Variants in PIEZO2 observed in about 807,000 individuals in gnomAD.
PIEZO2 encodes piezo type mechanosensitive ion channel component 2, also known as piezo-type mechanosensitive ion channel component 2.
PIEZO2 carries 172 observed loss-of-function variants against 337.3 expected under a neutral mutation model. That is an observed-to-expected ratio of 0.51 (90% CI 0.45 to 0.58). The LOEUF (loss-of-function observed/expected upper bound fraction) is 0.58, where lower values mean the gene tolerates loss of function less well. Ranked by LOEUF, PIEZO2 falls within the 20% of genes least tolerant of loss-of-function variation. PIEZO2 has a pLI of 0.00. For synonymous variants in PIEZO2, 1,251 were observed against 1,228.5 expected (o/e 1.02, Z -0.38); for missense variants, 3,028 against 3,391.3 (o/e 0.89, Z 2.66).
chr18:11,119,817 G>A (rs2039984446), intron 1 of PIEZO2, among the ~76,000 whole-genome samples: 1 of 152,142 alleles, frequency 6.6e-6, no homozygotes, highest in African/African-American at 2.4e-5. Flanking sequence ...GGCTTAAAAT[G>A]CATTAAACTA....
At position 10,763,509 on chromosome 18, in the gene PIEZO2, G is replaced by A. The variant is rs540235182; in HGVS notation, c.2947-411C>T. Among the ~76,000 whole-genome samples, 219 of 152,296 alleles carry A rather than the reference G, an allele frequency of 1.4e-3. 1 individual carries two copies. The highest frequency in any genetic ancestry group is 0.014 in the Middle Eastern group (4 of 294). ...TTTAGGTAAAGGAGGCATGAATGAA[G>A]GCAGGAAAGCATGAGCTAGCATGGT... On this transcript the variant is annotated intron_variant, in intron 21 of 55. Coordinates refer to ENST00000674853, the MANE Select transcript of PIEZO2 (RefSeq NM_001378183.1).
At position 10,680,166 on chromosome 18, in the gene PIEZO2, G is replaced by A. The variant is rs487037; in HGVS notation, c.7952+33C>T. Reference sequence around the variant, plus strand: ...CAACTCCATGTTTAGACTGGGGAAAGGGATAAATTATACATGGAAATACAG... The same window carrying A: ...CAACTCCATGTTTAGACTGGGGAAAAGGATAAATTATACATGGAAATACAG... On this transcript the variant is annotated intron_variant, in intron 52 of 55. Transcript: ENST00000674853. 1,240,473 of 1,554,400 alleles carry A rather than the reference G, an allele frequency of 0.8. 501,383 individuals are homozygous for A. Among genetic ancestry groups the A allele is most frequent in the Non-Finnish European group, 0.83 (940,890 of 1,139,768 alleles).
rs1304803255 is a variant in PIEZO2 at position 11,080,768 on chromosome 18, C to T, written c.65-14546G>A. The stretch of plus-strand genomic sequence containing the variant: ...CTGAGGCAGGAGAATCGCTTGAACT[C>T]GGGAGGCGGAGGTCACGGTGAGCCA... On this transcript the variant is annotated intron_variant, in intron 1 of 55. Coordinates refer to ENST00000674853, the MANE Select transcript of PIEZO2 (RefSeq NM_001378183.1). This position sits in a 1 kb window ranked among gnomAD's most constrained non-coding sequence, Gnocchi z 5.4. Among the ~76,000 whole-genome samples the T allele has an allele frequency of 2.0e-5, 3 of 152,122 alleles. No homozygotes were observed. Among genetic ancestry groups the T allele is most frequent in the Admixed American group, 2.0e-4 (3 of 15,270 alleles).
intron 30 of PIEZO2, among the ~76,000 whole-genome samples, chr18:10,745,112 G>C (rs1276045724): frequency 3.3e-5 from 5 of 152,080 alleles, no homozygotes; most frequent in Admixed American, 1.3e-4. Flanking sequence ...CAAATCTTAA[G>C]GCAGTAAGTT....
intron 31 of PIEZO2, among the ~76,000 whole-genome samples, chr18:10,743,498 C>G (rs535151853): frequency 9.6e-4 from 146 of 152,278 alleles, no homozygotes; most frequent in African/African-American, 3.3e-3. Context: ...TGGAGTCAGT[C>G]TACCCCTTGG....
At chr18:10,843,578 A>G (rs1339374007) in intron 7 of PIEZO2, among the ~76,000 whole-genome samples, 1 of 152,236 alleles carries the variant, frequency 6.6e-6, no homozygotes, top group Non-Finnish European at 1.5e-5. Context: ...AAAAAAATTT[A>G]ACTGTGAACC....
At chr18:10,932,983 G>A (rs924058724) in intron 3 of PIEZO2, among the ~76,000 whole-genome samples, 6 of 152,082 alleles carry the variant, frequency 3.9e-5, no homozygotes, top group African/African-American at 1.4e-4. Context: ...AAGTTGCAAA[G>A]GGACTTAGGG....
intron 40 of PIEZO2, 99 bp from the exon 41 acceptor site, chr18:10,705,845 A>G (rs1274018302): frequency 2.9e-6 from 4 of 1,358,192 alleles, no homozygotes; most frequent in Non-Finnish European, 3.9e-6. Context: ...CTCCTAAGGA[A>G]ATGCCCCATT....
At chr18:10,696,586 G>A in intron 45 of PIEZO2, 47 bp from the exon 46 acceptor site, 1 of 1,603,474 alleles carries the variant, frequency 6.2e-7, no homozygotes, top group Non-Finnish European at 8.5e-7. Context: ...TTCAGGAAGG[G>A]CAGGATGGCA....
chr18:10,944,308 A>G (rs940045467), intron 3 of PIEZO2, among the ~76,000 whole-genome samples: 1 of 151,878 alleles, frequency 6.6e-6, no homozygotes, highest in East Asian at 1.9e-4. Flanking sequence ...TTTAAAAACT[A>G]AAAAATAAAA....
rs538419534 is a variant in PIEZO2, at chr18:10,804,131, T to C, written c.1081-137A>G. 6.5e-6 allele frequency: 7 copies of C among 1,078,578 alleles called. No individual in the cohort carries two copies. In the South Asian group the frequency reaches 1.1e-4, roughly 17 times the overall value. The allele number at this position is 1,078,578 out of a possible 1,614,324, so 66.8% of individuals were successfully genotyped here. ...AATGTTTACAATATACAGGATTTTA[T>C]CAAGACACTTTAAAAAATGACAAAA... On this transcript the variant is annotated intron_variant, in intron 8 of 55. Transcript: ENST00000674853.
In PIEZO2 at chr18:11,077,282, T is replaced by C. The variant is rs2038579800; in HGVS notation, c.65-11060A>G. On this transcript the variant is annotated intron_variant, in intron 1 of 55. Coordinates refer to ENST00000674853, the MANE Select transcript of PIEZO2 (RefSeq NM_001378183.1). This position sits in a 1 kb window ranked among gnomAD's most constrained non-coding sequence, Gnocchi z 4.8. ...TATTAGCCTGCTCATCTTAGTGGCT[T>C]TGTCATCTATGGAAGTGAAGAGTTA... Among the ~76,000 whole-genome samples, 1 of 152,202 alleles carries C rather than the reference T, an allele frequency of 6.6e-6. No homozygotes were observed. Among genetic ancestry groups the C allele is most frequent in the Admixed American group, 6.5e-5 (1 of 15,280 alleles).
rs765646013 is a variant in PIEZO2 at position 10,677,897 on chromosome 18, T to G, written c.7953-22A>C. 2.6e-6 allele frequency: 4 copies of G among 1,553,760 alleles called. No homozygotes were observed. In the Admixed American group the frequency reaches 6.4e-5, roughly 25 times the overall value. ...GTTTCTGTGAAGAAAAAAAAAAAGC[T>G]TAATGTCAGTGATTATTCAGAAGTC... On this transcript the variant is annotated intron_variant, in intron 52 of 55. Coordinates refer to ENST00000674853, the MANE Select transcript of PIEZO2 (RefSeq NM_001378183.1). The surrounding 1 kb of genome is among the most constrained non-coding windows in gnomAD (Gnocchi z 4.1).
chr18:10,779,445 T>C (rs768923105), intron 18 of PIEZO2, among the ~76,000 whole-genome samples: 1 of 152,232 alleles, frequency 6.6e-6, no homozygotes, highest in Non-Finnish European at 1.5e-5. Flanking sequence ...CTCTGGAGGA[T>C]AACCTATTGC....
At chr18:11,123,230 A>G (rs1244104292) in intron 1 of PIEZO2, among the ~76,000 whole-genome samples, 1 of 152,178 alleles carries the variant, frequency 6.6e-6, no homozygotes, top group East Asian at 1.9e-4. Context: ...GTCTTTCTAG[A>G]TATACACAAT....
In PIEZO2 at chr18:11,116,576, G is replaced by A. The variant is rs1016608431; in HGVS notation, c.64+31949C>T. 2.0e-5 allele frequency among the ~76,000 whole-genome samples: 3 copies of A among 151,948 alleles called. No individual in the cohort carries two copies. The highest frequency in any genetic ancestry group is 4.4e-5 in the Non-Finnish European group (3 of 68,010). ...AAAAAAATTAAAAAATTAGCCGGGC[G>A]TGGTGGCGGGGGGCCTGTAGTCCCA... On this transcript the variant is annotated intron_variant, in intron 1 of 55. Coordinates refer to ENST00000674853, the MANE Select transcript of PIEZO2 (RefSeq NM_001378183.1). The surrounding 1 kb of genome is among the most constrained non-coding windows in gnomAD (Gnocchi z 5.0).
At position 10,933,561 on chromosome 18, in the gene PIEZO2, T is replaced by G. The variant is rs185134923; in HGVS notation, c.287-22333A>C. Among the ~76,000 whole-genome samples, 663 of 152,312 alleles carry G rather than the reference T, an allele frequency of 4.4e-3. 2 individuals carry two copies. The highest frequency in any genetic ancestry group is 0.015 in the African/African-American group (639 of 41,546). Reference sequence around the variant, plus strand: ...GTCCGATATCCCATTTTCCATTGATTTGGGATGATGGAATTGTACCTCCTC... The same window carrying G: ...GTCCGATATCCCATTTTCCATTGATGTGGGATGATGGAATTGTACCTCCTC... On this transcript the variant is annotated intron_variant, in intron 3 of 55. Transcript: ENST00000674853.
At chr18:10,936,411 G>A (rs78687338) in intron 3 of PIEZO2, among the ~76,000 whole-genome samples, 2,991 of 152,066 alleles carry the variant, frequency 0.02, 95 homozygotes, top group African/African-American at 0.068. Flanking sequence ...ATACTCCTCC[G>A]AAAATTTTTT....
In PIEZO2 at chr18:11,021,004, C is replaced by T. The variant is rs11661019; in HGVS notation, c.161-41344G>A. Among the ~76,000 whole-genome samples, 2,878 of 152,304 alleles carry T rather than the reference C, an allele frequency of 0.019. 36 individuals are homozygous for T. Among genetic ancestry groups the T allele is most frequent in the African/African-American group, 0.034 (1,429 of 41,560 alleles). On this transcript the variant is annotated intron_variant, in intron 2 of 55. Coordinates refer to ENST00000674853, the MANE Select transcript of PIEZO2 (RefSeq NM_001378183.1). This position sits in a 1 kb window ranked among gnomAD's most constrained non-coding sequence, Gnocchi z 4.7. Reference sequence around the variant, plus strand: ...TGCAGCTTAAAAACTGTTCCACTGCCTTAAGTCGACATTCCTGCTCAGCAG... The same window carrying T: ...TGCAGCTTAAAAACTGTTCCACTGCTTTAAGTCGACATTCCTGCTCAGCAG...
Sources: gnomAD v4.1 joint callset for allele counts (sites outside exome capture counted in the v4.1 genomes callset) on GRCh38, gnomAD v4.1.1 for gene constraint, Gnocchi (gnomAD v3.1) non-coding constraint, MANE v1.5 for transcripts, NCBI Gene and HGNC (gene_info 2026-07-23, HGNC 2026-07-21) for gene names.